The following LYRM4 variants were observed in gnomAD, a reference collection of about 807,000 sequenced individuals.
The protein encoded by LYRM4 is LYR motif-containing protein 4.
In LYRM4, 9 loss-of-function variants were observed where a neutral mutation model predicts 11.7. That is an observed-to-expected ratio of 0.77 (90% CI 0.46 to 1.34). LYRM4 has a LOEUF of 1.34. LYRM4 is among the 40% of genes most tolerant of loss of function. The probability of loss-of-function intolerance (pLI) is 0.00; values close to 1 mark genes in which losing one functional copy is unlikely to be tolerated. For missense variants in LYRM4, 133 were observed against 112.5 expected, an observed-to-expected ratio of 1.18 and a Z score of -0.82; for synonymous variants, 42 against 40.4, an observed-to-expected ratio of 1.04 and a Z score of -0.15.
the LYRM4 span, among the ~76,000 whole-genome samples, chr6:5,035,404 A>G: frequency 4.0e-5 from 6 of 150,956 alleles, no homozygotes; most frequent in Non-Finnish European, 7.4e-5. Context: ...GGCAGCTGAA[A>G]ATCTTTTCTT....
intron 2 of LYRM4, among the ~76,000 whole-genome samples, chr6:5,176,061 C>T (rs534372242): frequency 2.5e-5 from 3 of 119,344 alleles, no homozygotes; most frequent in South Asian, 6.2e-4. Context: ...TTGTATTACG[C>T]TATTAATTTT....
the LYRM4 span, among the ~76,000 whole-genome samples, chr6:5,064,308 T>A: frequency 6.6e-6 from 1 of 152,216 alleles, no homozygotes; most frequent in African/African-American, 2.4e-5. Flanking sequence ...ACGTGATATC[T>A]ATGTTTGTCT....
the LYRM4 span, chr6:5,085,764 G>A: frequency 9.1e-6 from 14 of 1,536,674 alleles, no homozygotes; most frequent in Non-Finnish European, 1.2e-5. Context: ...ACCCCATCTT[G>A]CAGGCGGCCA....
At chr6:5,095,329 T>A in the LYRM4 span, among the ~76,000 whole-genome samples, 2 of 152,136 alleles carry the variant, frequency 1.3e-5, no homozygotes, top group African/African-American at 2.4e-5. Flanking sequence ...AAAGAACTAT[T>A]CATGAGTCAG....
intron 2 of LYRM4, among the ~76,000 whole-genome samples, chr6:5,206,714 G>A (rs1761719283): frequency 6.6e-6 from 1 of 152,164 alleles, no homozygotes; most frequent in African/African-American, 2.4e-5. Flanking sequence ...GAGAAGAGAA[G>A]TGCTTCTTAG....
At chr6:5,080,249 A>G in the LYRM4 span, among the ~76,000 whole-genome samples, 1 of 152,220 alleles carries the variant, frequency 6.6e-6, no homozygotes, top group African/African-American at 2.4e-5. Flanking sequence ...AACTGTCCTG[A>G]CCTTTTAAGT....
chr6:5,058,549 C>G, the LYRM4 span, among the ~76,000 whole-genome samples: 1 of 152,184 alleles, frequency 6.6e-6, no homozygotes, highest in African/African-American at 2.4e-5. Context: ...CCTTTTCTGC[C>G]TCTGAGCCTC....
chr6:5,229,358 C>A (rs981254547), intron 1 of LYRM4, among the ~76,000 whole-genome samples: 7 of 152,148 alleles, frequency 4.6e-5, no homozygotes, highest in African/African-American at 1.4e-4. Flanking sequence ...ACCAATTTGC[C>A]AAAGCGGGCG....
intron 2 of LYRM4, among the ~76,000 whole-genome samples, chr6:5,149,132 A>G (rs750600944): frequency 3.6e-4 from 55 of 152,228 alleles, no homozygotes; most frequent in Non-Finnish European, 1.3e-4. Context: ...CTGAGTGTTC[A>G]TTAATATTCA....
At chr6:5,065,342 C>A in the LYRM4 span, among the ~76,000 whole-genome samples, 2 of 151,928 alleles carry the variant, frequency 1.3e-5, no homozygotes, top group African/African-American at 4.8e-5. Flanking sequence ...ATTTTAATTT[C>A]TAAAAAAGTT....
intron 2 of LYRM4, among the ~76,000 whole-genome samples, chr6:5,171,455 T>C (rs188713810): frequency 6.6e-6 from 1 of 152,182 alleles, no homozygotes; most frequent in Non-Finnish European, 1.5e-5. Context: ...ACCTCTTGCC[T>C]GAGAAAGACA....
chr6:5,044,649 G>A, the LYRM4 span, among the ~76,000 whole-genome samples: 2 of 152,118 alleles, frequency 1.3e-5, no homozygotes, highest in African/African-American at 4.8e-5. Flanking sequence ...AGAAGAAAAT[G>A]TATCCCCTCT....
chr6:5,039,996 T>C, the LYRM4 span, among the ~76,000 whole-genome samples: 3 of 152,218 alleles, frequency 2.0e-5, no homozygotes, highest in Non-Finnish European at 4.4e-5. Flanking sequence ...AGATTAGTGA[T>C]TAAAAATATA....
chr6:5,086,780 A>G, the LYRM4 span: 12 of 572,496 alleles, frequency 2.1e-5, no homozygotes, highest in Admixed American at 3.3e-5. Flanking sequence ...AAAGCCTCTG[A>G]CCTCAGTCTT....
intron 2 of LYRM4, among the ~76,000 whole-genome samples, chr6:5,181,088 C>T (rs920831723): frequency 3.3e-5 from 5 of 152,086 alleles, no homozygotes; most frequent in Non-Finnish European, 7.3e-5. Flanking sequence ...TGAATTTTCA[C>T]GCCAAATAAA....
At chr6:5,044,474 C>T in the LYRM4 span, among the ~76,000 whole-genome samples, 1 of 152,212 alleles carries the variant, frequency 6.6e-6, no homozygotes, top group African/African-American at 2.4e-5. Context: ...CTCTTATCCT[C>T]ATCACCAGTG....
At chr6:5,084,255 T>C in the LYRM4 span, among the ~76,000 whole-genome samples, 1 of 152,080 alleles carries the variant, frequency 6.6e-6, no homozygotes, top group Non-Finnish European at 1.5e-5. Flanking sequence ...ACACCACTTT[T>C]AGACGTTCCC....
At chr6:5,178,783 C>T (rs537458024) in intron 2 of LYRM4, among the ~76,000 whole-genome samples, 16 of 108,970 alleles carry the variant, frequency 1.5e-4, no homozygotes, top group African/African-American at 5.0e-4. Flanking sequence ...CCAGCCTGGG[C>T]GACAGAGTGA....
intron 2 of LYRM4, among the ~76,000 whole-genome samples, chr6:5,202,844 T>A (rs1230206771): frequency 6.6e-6 from 1 of 152,232 alleles, no homozygotes; most frequent in Non-Finnish European, 1.5e-5. Flanking sequence ...CAAGCTACTA[T>A]GAAGGAATTC....
Sources: allele counts gnomAD v4.1 joint callset (sites outside exome capture counted in the v4.1 genomes callset), GRCh38; gene constraint gnomAD v4.1.1; transcripts MANE v1.5; gene names NCBI Gene and HGNC (gene_info 2026-07-23, HGNC 2026-07-21).